PROS1: variants seen among roughly 807,000 people sequenced by gnomAD.
The protein encoded by PROS1 is vitamin K-dependent protein S.
A neutral mutation model predicts 75.9 loss-of-function variants in PROS1; 29 were observed. That is an observed-to-expected ratio of 0.38 (90% CI 0.28 to 0.52). PROS1 has a LOEUF of 0.52. Ranked by LOEUF, PROS1 falls within the 20% of genes least tolerant of loss-of-function variation. PROS1 has a pLI of 0.83. For synonymous variants in PROS1, 245 were observed against 280.6 expected, an observed-to-expected ratio of 0.87 and a Z score of 1.27; for missense variants, 680 against 810.3, an observed-to-expected ratio of 0.84 and a Z score of 1.95.
chr3:93,895,982 T>C (rs1708496303), intron 9 of PROS1, among the ~76,000 whole-genome samples: 1 of 151,848 alleles, frequency 6.6e-6, no homozygotes, highest in Non-Finnish European at 1.5e-5. Context: ...ATAAATATAA[T>C]AAAATAAAAA....
Position 93,874,171 on chromosome 3 carries a change from A to G in PROS1, c.*74T>C. The G allele has an allele frequency of 6.5e-7, 1 of 1,546,644 alleles. No homozygotes were observed. The highest frequency in any genetic ancestry group is 8.9e-7 in the Non-Finnish European group (1 of 1,121,550). Reference sequence around the variant, plus strand: ...TCAAAGACTGCACATTGTAAATAAAACCCTTCAGCTGTTATTGAAACATAA... The same window carrying G: ...TCAAAGACTGCACATTGTAAATAAAGCCCTTCAGCTGTTATTGAAACATAA... On this transcript the variant is annotated 3_prime_UTR_variant, in exon 15 of 15. Coordinates refer to ENST00000394236, the MANE Select transcript of PROS1 (RefSeq NM_000313.4).
intron 1 of PROS1, among the ~76,000 whole-genome samples, chr3:93,941,901 C>T (rs969587907): frequency 5.9e-5 from 9 of 152,178 alleles, no homozygotes; most frequent in African/African-American, 1.2e-4. Context: ...ATGCTTTCTG[C>T]TACCCGGCTC....
chr3:93,891,802 G>A (rs1708434471), intron 10 of PROS1, among the ~76,000 whole-genome samples: 3 of 151,688 alleles, frequency 2.0e-5, no homozygotes, highest in East Asian at 2.0e-4. Context: ...GCTCATGCCT[G>A]TAATCCCAGC....
At chr3:93,894,946 T>C (rs563896154) in intron 9 of PROS1, among the ~76,000 whole-genome samples, 4 of 152,208 alleles carry the variant, frequency 2.6e-5, no homozygotes, top group Non-Finnish European at 4.4e-5. Context: ...ATCAAACTAC[T>C]ATGAATCGTC....
chr3:93,952,887 TA>T (rs1462904120), intron 1 of PROS1, among the ~76,000 whole-genome samples: 1 of 152,040 alleles, frequency 6.6e-6, no homozygotes, highest in Non-Finnish European at 1.5e-5. Flanking sequence ...TAAAAAATGA[TA>T]AAGGAGATAT....
chr3:93,892,405 A>G (rs1290325771), intron 10 of PROS1, among the ~76,000 whole-genome samples: 1 of 151,964 alleles, frequency 6.6e-6, no homozygotes, highest in African/African-American at 2.4e-5. Flanking sequence ...CAAGTGGATC[A>G]CCTGAGGTCT....
chr3:93,897,205 A>G (rs1396006495), intron 8 of PROS1, among the ~76,000 whole-genome samples: 2 of 152,128 alleles, frequency 1.3e-5, no homozygotes, highest in Non-Finnish European at 2.9e-5. Flanking sequence ...ACTGGAAAAC[A>G]TGAAGGAAAT....
At chr3:93,970,757 T>A (rs1709867585) in intron 1 of PROS1, among the ~76,000 whole-genome samples, 1 of 152,196 alleles carries the variant, frequency 6.6e-6, no homozygotes, top group African/African-American at 2.4e-5. Context: ...TCTTTTTTTA[T>A]TTTTAAAACA....
rs190446828 is a variant in PROS1 at position 93,900,770 on chromosome 3, T to A, written c.727+34A>T. 85 of 1,611,550 alleles carry A rather than the reference T, an allele frequency of 5.3e-5. No individual in the cohort carries two copies. In the East Asian group the frequency reaches 1.7e-3, roughly 33 times the overall value. On this transcript the variant is annotated intron_variant, in intron 7 of 14. Transcript: ENST00000394236. ...CAGTTCAGGGTTCACACCCACCCTC[T>A]CCACCATCAGTAATGATACCACCAT...
intron 3 of PROS1, among the ~76,000 whole-genome samples, chr3:93,917,625 G>A (rs9826711): frequency 6.6e-6 from 1 of 152,056 alleles, no homozygotes; most frequent in South Asian, 2.1e-4. Flanking sequence ...GGAAAGGCGC[G>A]AGGGGGAACA....
In PROS1 at chr3:93,896,556, C is replaced by T. The variant is rs767257835; in HGVS notation, c.965+20G>A. On this transcript the variant is annotated intron_variant, in intron 9 of 14. Transcript: ENST00000394236. Reference sequence around the variant, plus strand: ...TATCTGCTTAACCTCTAGAAATTATCATTGGTATTGGTTCCTCACCTGCTG... The same window carrying T: ...TATCTGCTTAACCTCTAGAAATTATTATTGGTATTGGTTCCTCACCTGCTG... 6 of 1,540,774 alleles carry T rather than the reference C, an allele frequency of 3.9e-6. No homozygotes were observed. Among genetic ancestry groups the T allele is most frequent in the Non-Finnish European group, 5.4e-6 (6 of 1,113,790 alleles).
intron 3 of PROS1, among the ~76,000 whole-genome samples, chr3:93,917,967 C>T (rs1023192525): frequency 2.0e-4 from 30 of 152,278 alleles, no homozygotes; most frequent in Admixed American, 9.2e-4. Context: ...CTGAGGAGTG[C>T]GGGCACACGG....
At chr3:93,938,538 G>T (rs1215875305) in intron 1 of PROS1, among the ~76,000 whole-genome samples, 1 of 152,028 alleles carries the variant, frequency 6.6e-6, no homozygotes, top group Admixed American at 6.6e-5. Context: ...ACGACCTCAG[G>T]TCCTCAGACC....
intron 1 of PROS1, among the ~76,000 whole-genome samples, chr3:93,944,822 G>A (rs1709352883): frequency 6.6e-6 from 1 of 152,032 alleles, no homozygotes; most frequent in Non-Finnish European, 1.5e-5. Flanking sequence ...AGAACTGAAG[G>A]AGATAGAGAC....
At chr3:93,944,553 C>A (rs1221345983) in intron 1 of PROS1, among the ~76,000 whole-genome samples, 1 of 152,174 alleles carries the variant, frequency 6.6e-6, no homozygotes, top group Non-Finnish European at 1.5e-5. Context: ...TCCTGAATGA[C>A]TACTGGGTAC....
chr3:93,892,962 C>A lies in PROS1; in HGVS notation c.1126G>T (p.Asp376Tyr), dbSNP rs1437372036. ...TTCCATAGACCATTATTAATAACAT[C>A]ACCTCCAGTTGTGATTTTGGATGTA... ...EHTSKITTGG[D>Y]VINNGLWNMV... is the part of the protein sequence containing the mutation. Residue 376 changes from aspartate (D) to tyrosine (Y), a missense_variant, in exon 10 of 15, where the codon GAT becomes TAT. Transcript: ENST00000394236. 1 of 1,612,480 alleles carries A rather than the reference C, an allele frequency of 6.2e-7. No individual in the cohort carries two copies. Among genetic ancestry groups the A allele is most frequent in the Non-Finnish European group, 8.5e-7 (1 of 1,179,868 alleles).
At chr3:93,914,576 T>A (rs1009265236) in intron 3 of PROS1, among the ~76,000 whole-genome samples, 1 of 152,152 alleles carries the variant, frequency 6.6e-6, no homozygotes, top group Non-Finnish European at 1.5e-5. Flanking sequence ...TCTGGGCCAG[T>A]GATGGGAGAG....
chr3:93,966,253 TG>T (rs1378657560), intron 1 of PROS1, among the ~76,000 whole-genome samples: 1 of 152,158 alleles, frequency 6.6e-6, no homozygotes, highest in Non-Finnish European at 1.5e-5. Context: ...TTGCCTGAGA[TG>T]GTTGCAAATG....
chr3:93,945,785 A>G (rs1264743672), intron 1 of PROS1, among the ~76,000 whole-genome samples: 2 of 152,142 alleles, frequency 1.3e-5, no homozygotes, highest in Non-Finnish European at 2.9e-5. Flanking sequence ...TCCTATTCAA[A>G]ATAGTGTTGG....
Sources: gnomAD v4.1 joint callset for allele counts (sites outside exome capture counted in the v4.1 genomes callset) on GRCh38, gnomAD v4.1.1 for gene constraint, MANE v1.5 for transcripts, NCBI Gene and HGNC (gene_info 2026-07-23, HGNC 2026-07-21) for gene names.